Variants in NRXN1 observed in about 807,000 individuals in gnomAD.
NRXN1 encodes the protein neurexin 1.
Under a neutral mutation model 150.9 loss-of-function variants are expected in NRXN1, and 39 were observed. The observed-to-expected ratio is 0.26, with a 90% CI of 0.20 to 0.34. The LOEUF (loss-of-function observed/expected upper bound fraction) is 0.34. Ranked by LOEUF, NRXN1 falls within the 10% of genes least tolerant of loss-of-function variation. NRXN1 has a pLI of 1.00. For missense variants in NRXN1, 1,815 were observed against 1,949.9 expected, an observed-to-expected ratio of 0.93 and a Z score of 1.30; for synonymous variants, 924 against 757.0, an observed-to-expected ratio of 1.22 and a Z score of -3.62.
chr2:50,306,771 A>G (rs555977379), intron 17 of NRXN1, among the ~76,000 whole-genome samples: 1 of 152,332 alleles, frequency 6.6e-6, no homozygotes, highest in Non-Finnish European at 1.5e-5. Context: ...GAGTGTAATC[A>G]AAATTCCAGA....
chr2:50,150,349 C>G (rs144581912), intron 18 of NRXN1, among the ~76,000 whole-genome samples: 1 of 151,796 alleles, frequency 6.6e-6, no homozygotes, highest in Non-Finnish European at 1.5e-5. Flanking sequence ...AAAGACAGCA[C>G]AGTCCACATT....
intron 5 of NRXN1, chr2:50,656,473 G>A (rs1186521654): frequency 4.1e-6 from 3 of 726,562 alleles, no homozygotes; most frequent in Middle Eastern, 4.9e-4. Flanking sequence ...TTTTTGCTCT[G>A]TTTAAACATT....
In NRXN1 at chr2:50,371,099, C is replaced by A. The variant is rs112640054; in HGVS notation, c.3364+94343G>T. 6.6e-4 allele frequency among the ~76,000 whole-genome samples: 100 copies of A among 152,088 alleles called. 2 individuals carry two copies. Among genetic ancestry groups the A allele is most frequent in the African/African-American group, 2.1e-3 (88 of 41,524 alleles). Reference sequence around the variant, plus strand: ...AATTACTTCAAGTGGATAAACTTAGCAATGATCTTTGTCGATTGAGGGCAG... The same window carrying A: ...AATTACTTCAAGTGGATAAACTTAGAAATGATCTTTGTCGATTGAGGGCAG... On this transcript the variant is annotated intron_variant, in intron 17 of 22. Coordinates refer to ENST00000401669, the MANE Select transcript of NRXN1 (RefSeq NM_001330078.2).
intron 5 of NRXN1, among the ~76,000 whole-genome samples, chr2:50,658,857 C>T (rs1306217604): frequency 6.6e-6 from 1 of 152,040 alleles, no homozygotes; most frequent in Non-Finnish European, 1.5e-5. Context: ...GTATAAGCTT[C>T]CTGAGAGCTG....
Position 50,623,107 on chromosome 2 carries a change from T to C in NRXN1, c.1134+207A>G, listed in dbSNP as rs1041756749. Among the ~76,000 whole-genome samples the C allele has an allele frequency of 1.6e-4, 25 of 152,132 alleles. 1 individual carries two copies. The highest frequency in any genetic ancestry group is 2.9e-5 in the Non-Finnish European group (2 of 68,022). On this transcript the variant is annotated intron_variant, in intron 6 of 22. Coordinates refer to ENST00000401669, the MANE Select transcript of NRXN1 (RefSeq NM_001330078.2). ...CCTTTTGGAAATTTTCATATGGCCC[T>C]GTATCAAAATAGCCTTTGGGCTCCC...
intron 2 of NRXN1, among the ~76,000 whole-genome samples, chr2:51,024,448 A>G (rs575082652): frequency 2.8e-4 from 42 of 152,246 alleles, no homozygotes; most frequent in African/African-American, 9.6e-4. Context: ...GTCAAGAAAA[A>G]GGGCTTGGGA....
At chr2:50,013,634 G>A (rs1319006223) in intron 21 of NRXN1, among the ~76,000 whole-genome samples, 1 of 152,032 alleles carries the variant, frequency 6.6e-6, no homozygotes, top group African/African-American at 2.4e-5. Context: ...TACATATATT[G>A]AAATGTATGC....
intron 9 of NRXN1, among the ~76,000 whole-genome samples, chr2:50,545,863 T>A (rs778852911): frequency 6.6e-6 from 1 of 152,154 alleles, no homozygotes; most frequent in Non-Finnish European, 1.5e-5. Context: ...ATATAACCTA[T>A]GCACATCCTC....
At chr2:50,602,877 T>G (rs922727829) in intron 8 of NRXN1, among the ~76,000 whole-genome samples, 4 of 152,152 alleles carry the variant, frequency 2.6e-5, no homozygotes, top group Non-Finnish European at 5.9e-5. Context: ...TTCTCACTCT[T>G]TGATTTATAT....
At chr2:50,088,784 G>T (rs1472218559) in intron 19 of NRXN1, among the ~76,000 whole-genome samples, 1 of 152,082 alleles carries the variant, frequency 6.6e-6, no homozygotes, top group East Asian at 1.9e-4. Context: ...AATAAGTACT[G>T]CCTCAATCTC....
chr2:50,107,539 A>ATATTTT (rs59921941), intron 18 of NRXN1, among the ~76,000 whole-genome samples: 62 of 129,870 alleles, frequency 4.8e-4, no homozygotes, highest in South Asian at 1.8e-3. Flanking sequence ...ATATATATAT[A>ATATTTT]TTTTTTTTTT....
chr2:50,399,764 C>T (rs1472381381), intron 17 of NRXN1, among the ~76,000 whole-genome samples: 1 of 98,472 alleles, frequency 1.0e-5, no homozygotes, highest in Non-Finnish European at 1.9e-5. Context: ...TCCAAATCTA[C>T]CCAGCTCTGT....
intron 5 of NRXN1, among the ~76,000 whole-genome samples, chr2:50,799,414 G>A (rs868858384): frequency 1.3e-5 from 2 of 152,302 alleles, no homozygotes; most frequent in Middle Eastern, 6.8e-3. Context: ...TAGAGAGTCA[G>A]AGTGTGTGAG....
At chr2:50,894,533 CAAAG>C (rs1681620795) in intron 5 of NRXN1, among the ~76,000 whole-genome samples, 1 of 151,830 alleles carries the variant, frequency 6.6e-6, no homozygotes, top group South Asian at 2.1e-4. Context: ...ATTCTATACA[CAAAG>C]AAATAGTTGA....
intron 17 of NRXN1, among the ~76,000 whole-genome samples, chr2:50,297,818 C>CTT (rs958439573): frequency 1.4e-4 from 22 of 152,208 alleles, no homozygotes; most frequent in African/African-American, 5.3e-4. Context: ...TTGAGGAAGT[C>CTT]TTTCCAAAGA....
chr2:50,735,210 G>A (rs905835353), intron 5 of NRXN1, among the ~76,000 whole-genome samples: 2 of 151,382 alleles, frequency 1.3e-5, no homozygotes, highest in East Asian at 3.9e-4. Flanking sequence ...TTGTCTCTCT[G>A]GATACCTTTA....
intron 5 of NRXN1, among the ~76,000 whole-genome samples, chr2:50,687,067 A>G (rs759866002): frequency 6.6e-6 from 1 of 152,180 alleles, no homozygotes; most frequent in Non-Finnish European, 1.5e-5. Flanking sequence ...CACATCTTTT[A>G]TTAGAATTGC....
At chr2:50,350,353 T>C (rs1026581468) in intron 17 of NRXN1, among the ~76,000 whole-genome samples, 1 of 152,158 alleles carries the variant, frequency 6.6e-6, no homozygotes, top group Non-Finnish European at 1.5e-5. Context: ...TTGAGGGCCA[T>C]TTTAAACAGC....
chr2:50,355,604 T>TA (rs2078742359), intron 17 of NRXN1, among the ~76,000 whole-genome samples: 1 of 152,160 alleles, frequency 6.6e-6, no homozygotes, highest in Non-Finnish European at 1.5e-5. Flanking sequence ...ATTCTCTCTG[T>TA]AAAACTATCT....
Sources: allele counts gnomAD v4.1 joint callset (sites outside exome capture counted in the v4.1 genomes callset), GRCh38; gene constraint gnomAD v4.1.1; transcripts MANE v1.5; gene names NCBI Gene and HGNC (gene_info 2026-07-23, HGNC 2026-07-21).